The following SATB1 variants were observed in gnomAD, a reference collection of about 807,000 sequenced individuals.
The protein encoded by SATB1 is DNA-binding protein SATB1.
Under a neutral mutation model 86.9 loss-of-function variants are expected in SATB1, and 11 were observed. The observed-to-expected ratio is 0.13, with a 90% CI of 0.08 to 0.21. SATB1 has a LOEUF of 0.21. Among genes scored for constraint, SATB1 ranks in the 10% least tolerant of loss-of-function variants. SATB1 has a pLI of 1.00. For synonymous variants in SATB1, 357 were observed against 357.2 expected (o/e 1.00, Z 0.01); for missense variants, 551 against 937.6 (o/e 0.59, Z 5.39).
In SATB1 at chr3:18,352,103, G is replaced by A. The variant is rs1266346440; in HGVS notation, c.1668C>T (p.Leu556=). Residue 556 remains leucine (L), a synonymous_variant, in exon 10 of 11, where the codon CTC becomes CTT. Coordinates refer to ENST00000338745, the MANE Select transcript of SATB1 (RefSeq NM_002971.6). The surrounding 1 kb of genome is among the most constrained non-coding windows in gnomAD (Gnocchi z 4.1). The stretch of plus-strand genomic sequence containing the variant: ...CATCACGTTCTGGCTGAGGAAGACT[G>A]AGGAACCTTCGGATCATGGAGAGGT... ...WENLSMIRRF[L]SLPQPERDAI... 2 of 1,614,192 alleles carry A rather than the reference G, an allele frequency of 1.2e-6. No homozygotes were observed. Among genetic ancestry groups the A allele is most frequent in the Admixed American group, 1.7e-5 (1 of 60,034 alleles).
upstream of SATB1, among the ~76,000 whole-genome samples, chr3:18,426,220 A>G (rs1298034245): frequency 6.6e-6 from 1 of 152,246 alleles, no homozygotes; most frequent in Admixed American, 6.5e-5. This position sits in a 1 kb window ranked among gnomAD's most constrained non-coding sequence, Gnocchi z 4.2. Flanking sequence ...TGAGGAGCCA[A>G]CATTAGAAAG....
At chr3:18,380,362 A>G (rs1695984093) in intron 8 of SATB1, among the ~76,000 whole-genome samples, 1 of 152,124 alleles carries the variant, frequency 6.6e-6, no homozygotes, top group African/African-American at 2.4e-5. Flanking sequence ...ATGATGTTTA[A>G]GAATTTATCT....
At chr3:18,432,851 T>C (rs909306623) in intron 2 of SATB1, among the ~76,000 whole-genome samples, 5 of 151,472 alleles carry the variant, frequency 3.3e-5, no homozygotes, top group Admixed American at 1.3e-4. Flanking sequence ...ATGCCTAGTA[T>C]TGGCAGATAT....
intron 6 of SATB1, 91 bp from the exon 7 acceptor site, chr3:18,395,007 G>A: frequency 1.0e-6 from 1 of 984,568 alleles, no homozygotes; most frequent in Non-Finnish European, 1.5e-6. Context: ...AAAAAGGGTA[G>A]GCACAGGGCA....
intron 7 of SATB1, among the ~76,000 whole-genome samples, chr3:18,392,839 G>A (rs1234251157): frequency 6.6e-6 from 1 of 151,958 alleles, no homozygotes; most frequent in Non-Finnish European, 1.5e-5. Context: ...GAATATAGGT[G>A]TCATATTAAG....
intron 5 of SATB1, among the ~76,000 whole-genome samples, chr3:18,403,852 T>C (rs1295476934): frequency 5.3e-5 from 8 of 152,078 alleles, no homozygotes; most frequent in East Asian, 3.9e-4. Flanking sequence ...GCTTTTATTA[T>C]ATTTTTATTT....
intron 5 of SATB1, among the ~76,000 whole-genome samples, chr3:18,402,747 A>G (rs151297359): frequency 6.6e-6 from 1 of 152,244 alleles, no homozygotes; most frequent in Non-Finnish European, 1.5e-5. Flanking sequence ...AAAACTTATC[A>G]AGGACTTGCC....
At chr3:18,420,157 TCA>T (rs1386125772) in intron 2 of SATB1, among the ~76,000 whole-genome samples, 4 of 152,170 alleles carry the variant, frequency 2.6e-5, no homozygotes, top group African/African-American at 7.2e-5. Flanking sequence ...TAGAAAAAAG[TCA>T]CACAGTTACA....
At chr3:18,376,952 G>T (rs1475904737) in intron 9 of SATB1, among the ~76,000 whole-genome samples, 1 of 152,148 alleles carries the variant, frequency 6.6e-6, no homozygotes. Context: ...CAGGCATGTG[G>T]CCTATAAAGC....
Position 18,415,196 on chromosome 3 carries a change from G to A in SATB1, c.554C>T (p.Ser185Leu). Residue 185 changes from serine to leucine, a missense_variant, in exon 5 of 11, where the codon TCG becomes TTG. Ser to Leu is a moderately radical substitution (Grantham distance 145). Coordinates refer to ENST00000338745, the MANE Select transcript of SATB1 (RefSeq NM_002971.6). ...CAGAGCATTCCTCACTGTGGTGTGC[G>A]ACCATTGTTCGGGAGGCAAGTCTTC... Reference protein sequence around the residue: ...KLEDLPPEQWSHTTVRNALKD... With the variant: ...KLEDLPPEQWLHTTVRNALKD... 2 of 1,612,856 alleles carry A rather than the reference G, an allele frequency of 1.2e-6. No individual in the cohort carries two copies. The highest frequency in any genetic ancestry group is 1.7e-6 in the Non-Finnish European group (2 of 1,179,168).
exon 1 of SATB1, chr3:18,445,522 C>G (rs1380531641): frequency 3.0e-6 from 3 of 985,374 alleles, no homozygotes; most frequent in Non-Finnish European, 2.4e-6. Context: ...CCTCACCTCT[C>G]CGGGGGCCCC....
intron 8 of SATB1, 53 bp from the exon 9 acceptor site, chr3:18,378,378 A>C (rs1281797477): frequency 6.3e-7 from 1 of 1,580,262 alleles, no homozygotes; most frequent in Non-Finnish European, 8.6e-7. Flanking sequence ...AATTGTTTTG[A>C]AGCTTCTCAG....
intron 2 of SATB1, among the ~76,000 whole-genome samples, chr3:18,420,430 G>C (rs1340841990): frequency 1.3e-5 from 2 of 152,182 alleles, no homozygotes; most frequent in East Asian, 1.9e-4. Flanking sequence ...AATCAGGTTA[G>C]TTTGAAGAAA....
At chr3:18,363,503 C>T (rs951524908) in intron 9 of SATB1, among the ~76,000 whole-genome samples, 5 of 152,100 alleles carry the variant, frequency 3.3e-5, no homozygotes, top group African/African-American at 1.2e-4. Context: ...TCAATCACTC[C>T]TCTGACCACA....
intron 2 of SATB1, among the ~76,000 whole-genome samples, chr3:18,436,567 G>T (rs1699068811): frequency 6.6e-6 from 1 of 150,494 alleles, no homozygotes; most frequent in African/African-American, 2.4e-5. Flanking sequence ...CAGATTAAGT[G>T]TTCAGATAAC....
At chr3:18,350,736 T>C (rs1694313932) in intron 10 of SATB1, 2 of 152,772 alleles carry the variant, frequency 1.3e-5, no homozygotes, top group South Asian at 4.1e-4. Flanking sequence ...GTGCTTGATA[T>C]CCTAAAGGGA....
At chr3:18,362,114 C>T (rs1378191038) in intron 9 of SATB1, among the ~76,000 whole-genome samples, 18 of 152,104 alleles carry the variant, frequency 1.2e-4, no homozygotes, top group Admixed American at 1.2e-3. Flanking sequence ...TCAATACTCC[C>T]TCAAACATCT....
rs1434939027 is a variant in SATB1, at chr3:18,416,996, A to G, written c.294T>C (p.Phe98=). The G allele has an allele frequency of 1.9e-6, 3 of 1,613,616 alleles. No homozygotes were observed. The highest frequency in any genetic ancestry group is 2.5e-6 in the Non-Finnish European group (3 of 1,179,716). Residue 98 remains phenylalanine (F), a synonymous_variant, in exon 3 of 11, where the codon TTT becomes TTC. Transcript: ENST00000338745. Reference sequence around the variant, plus strand: ...AAAGCATATCCTTTCTCACCAGCACAAATTCTGCATGCTCCTCCTTGCAAT... The same window carrying G: ...AAAGCATATCCTTTCTCACCAGCACGAATTCTGCATGCTCCTCCTTGCAAT... ...EYDCKEEHAE[F]VLVRKDMLFN...
Position 18,386,919 on chromosome 3 carries a change from G to A in SATB1, c.1207-308C>T, listed in dbSNP as rs903263537. Reference sequence around the variant, plus strand: ...CGATCCAGGGAAGTTAAGAATAAACGAAATCCTTATAATGCAACAGCACTG... The same window carrying A: ...CGATCCAGGGAAGTTAAGAATAAACAAAATCCTTATAATGCAACAGCACTG... On this transcript the variant is annotated intron_variant, in intron 7 of 10. Coordinates refer to ENST00000338745, the MANE Select transcript of SATB1 (RefSeq NM_002971.6). This position sits in a 1 kb window ranked among gnomAD's most constrained non-coding sequence, Gnocchi z 4.5. 2.0e-5 allele frequency among the ~76,000 whole-genome samples: 3 copies of A among 152,142 alleles called. No individual in the cohort carries two copies. Among genetic ancestry groups the A allele is most frequent in the South Asian group, 2.1e-4 (1 of 4,828 alleles).
Sources: gnomAD v4.1 joint callset for allele counts (sites outside exome capture counted in the v4.1 genomes callset) on GRCh38, gnomAD v4.1.1 for gene constraint, Gnocchi (gnomAD v3.1) non-coding constraint, MANE v1.5 for transcripts, NCBI Gene and HGNC (gene_info 2026-07-23, HGNC 2026-07-21) for gene names.